GREB1L: variants seen among roughly 807,000 people sequenced by gnomAD.
GREB1L encodes the protein GREB1 like retinoic acid receptor coactivator, also known as GREB1-like protein.
In GREB1L, 17 loss-of-function variants were observed where a neutral mutation model predicts 200.8. That is an observed-to-expected ratio of 0.08 (90% CI 0.06 to 0.13). The LOEUF (loss-of-function observed/expected upper bound fraction) is 0.13, where lower values mean the gene tolerates loss of function less well. Ranked by LOEUF, GREB1L falls within the 10% of genes least tolerant of loss-of-function variation. The pLI, the probability that GREB1L is intolerant of heterozygous loss-of-function variation, is 1.00. For missense variants in GREB1L, 1,657 were observed against 2,367.7 expected (o/e 0.70, Z 6.23); for synonymous variants, 789 against 893.0 (o/e 0.88, Z 2.08).
At chr18:21,321,799 C>T (rs1336642646) in intron 1 of GREB1L, among the ~76,000 whole-genome samples, 1 of 152,206 alleles carries the variant, frequency 6.6e-6, no homozygotes, top group Non-Finnish European at 1.5e-5. Context: ...ATGTCGTTAT[C>T]TCCATAGATG....
Position 21,454,550 on chromosome 18 carries a change from G to A in GREB1L, c.2169G>A (p.Arg723=). ...TGTTGGTTCAGCAAACTCTTCAGCG[G>A]ATTCGACAATCAGGTAAGAGTGAAC... The part of the protein sequence containing the change: ...SEVLVQQTLQ[R]IRQSGVLVDL... The change falls in exon 15 of 33, where the codon CGG becomes CGA. Residue 723 remains arginine (R), a synonymous_variant. Coordinates refer to ENST00000424526, the MANE Select transcript of GREB1L (RefSeq NM_001142966.3). 2.6e-6 allele frequency: 4 copies of A among 1,551,314 alleles called. No individual in the cohort carries two copies. Among genetic ancestry groups the A allele is most frequent in the Non-Finnish European group, 3.5e-6 (4 of 1,146,664 alleles).
In GREB1L at chr18:21,477,348, G is replaced by T; in HGVS notation, c.2548G>T (p.Asp850Tyr). The change falls in exon 17 of 33, where the codon GAT (aspartate) becomes TAT (tyrosine). Residue 850 changes from aspartate to tyrosine, a missense_variant. Transcript: ENST00000424526. ...CAATGAGGTTCACTGGATACAGCTGGATACTGGGGTGAGTCTCTTGCCTGC... is the reference window on the plus strand; with the variant it reads ...CAATGAGGTTCACTGGATACAGCTGTATACTGGGGTGAGTCTCTTGCCTGC... ...SSNEVHWIQL[D>Y]TGEDVGCEEK... 6.5e-7 allele frequency: 1 copy of T among 1,545,112 alleles called. No homozygotes were observed. Among genetic ancestry groups the T allele is most frequent in the Non-Finnish European group, 8.8e-7 (1 of 1,142,204 alleles).
At chr18:21,287,097 G>A (rs1194898871) in intron 1 of GREB1L, among the ~76,000 whole-genome samples, 1 of 152,058 alleles carries the variant, frequency 6.6e-6, no homozygotes, top group Admixed American at 6.6e-5. Flanking sequence ...TTAGTGCCAT[G>A]CCTTTTAAAA....
rs1204514384 is a variant in GREB1L, at chr18:21,268,560, C to CACACATAT, written c.-120+26168_-120+26169insCACATATA. Among the ~76,000 whole-genome samples, 145 of 63,492 alleles carry CACACATAT rather than the reference C, an allele frequency of 2.3e-3. 1 individual carries two copies. Among genetic ancestry groups the CACACATAT allele is most frequent in the East Asian group, 3.7e-3 (7 of 1,892 alleles). The allele number at this position is 63,492 out of a possible 152,430, so 41.7% of individuals were successfully genotyped here. On this transcript the variant is annotated intron_variant, in intron 1 of 32. Coordinates refer to ENST00000424526, the MANE Select transcript of GREB1L (RefSeq NM_001142966.3). ...ACACACACACACACACACACACACA[C>CACACATAT]ATATATATATATATATATATATATA...
In GREB1L at chr18:21,522,682, A is replaced by G. The variant is rs1000857274; in HGVS notation, c.5633A>G (p.Gln1878Arg). The G allele has an allele frequency of 6.4e-7, 1 of 1,551,650 alleles. No homozygotes were observed. ...LKGATLCVIC[Q>R]DRSSLRQTIV... Reference sequence around the variant, plus strand: ...GGTGCTACACTGTGTGTCATCTGCCAAGACAGAAGTTCCTTGCGCCAAACA... The same window carrying G: ...GGTGCTACACTGTGTGTCATCTGCCGAGACAGAAGTTCCTTGCGCCAAACA... The change falls in exon 33 of 33, where the codon CAA becomes CGA. Residue 1878 changes from glutamine to arginine, a missense_variant. Transcript: ENST00000424526.
In GREB1L at chr18:21,522,755, C is replaced by T. The variant is rs368799167; in HGVS notation, c.5706C>T (p.Asp1902=). 9.0e-6 allele frequency: 14 copies of T among 1,551,506 alleles called. No individual in the cohort carries two copies. The highest frequency in any genetic ancestry group is 1.7e-4 in the Middle Eastern group (1 of 6,010). ...LEDEWQFRLR[D]EFQTANSSDD... is the part of the protein sequence containing the mutation. ...ATGAGTGGCAGTTCCGCCTCCGGGA[C>T]GAGTTTCAAACTGCTAACAGCAGTG... Residue 1902 remains aspartate, a synonymous_variant, in exon 33 of 33, where the codon GAC becomes GAT. Transcript: ENST00000424526.
intron 6 of GREB1L, among the ~76,000 whole-genome samples, chr18:21,402,303 T>G (rs2041348518): frequency 6.6e-6 from 1 of 152,136 alleles, no homozygotes; most frequent in Non-Finnish European, 1.5e-5. Flanking sequence ...ATTCCCTTCT[T>G]TAGCCTTGTT....
At chr18:21,297,046 C>T (rs2038540851) in intron 1 of GREB1L, among the ~76,000 whole-genome samples, 1 of 152,140 alleles carries the variant, frequency 6.6e-6, no homozygotes, top group African/African-American at 2.4e-5. Context: ...TTGCTAGAGT[C>T]TCTTTACGTA....
At chr18:21,436,145 T>C (rs576502442) in intron 7 of GREB1L, among the ~76,000 whole-genome samples, 28 of 152,138 alleles carry the variant, frequency 1.8e-4, no homozygotes, top group African/African-American at 6.0e-4. Context: ...CAGTGGGAGA[T>C]TGAGAGTTCA....
chr18:21,433,877 AGGGATTTG>A (rs1054313236), intron 7 of GREB1L, among the ~76,000 whole-genome samples: 5 of 152,126 alleles, frequency 3.3e-5, no homozygotes, highest in African/African-American at 9.7e-5. Flanking sequence ...TGGAGTAGTC[AGGGATTTG>A]GGGTCTCTAC....
At chr18:21,438,378 C>T (rs1002460256) in intron 7 of GREB1L, among the ~76,000 whole-genome samples, 7 of 152,082 alleles carry the variant, frequency 4.6e-5, no homozygotes, top group African/African-American at 1.7e-4. Flanking sequence ...GAAACTCATA[C>T]ATAAGACCAT....
At chr18:21,305,785 C>G (rs561718551) in intron 1 of GREB1L, among the ~76,000 whole-genome samples, 18 of 152,340 alleles carry the variant, frequency 1.2e-4, no homozygotes, top group African/African-American at 4.1e-4. Flanking sequence ...ACTGTCTTAT[C>G]TCCTATCACT....
chr18:21,347,065 A>G (rs1193436705), intron 1 of GREB1L, among the ~76,000 whole-genome samples: 2 of 151,950 alleles, frequency 1.3e-5, no homozygotes, highest in East Asian at 3.9e-4. Context: ...ACCTTTTAAA[A>G]CTGTCTACCA....
intron 1 of GREB1L, among the ~76,000 whole-genome samples, chr18:21,355,701 A>G (rs1377081638): frequency 4.3e-4 from 65 of 152,156 alleles, no homozygotes; most frequent in Non-Finnish European, 3.1e-4. Context: ...TCAGAAATCT[A>G]CTCAAAGGCA....
chr18:21,337,579 AG>A (rs2039204395), intron 1 of GREB1L, among the ~76,000 whole-genome samples: 1 of 152,218 alleles, frequency 6.6e-6, no homozygotes, highest in South Asian at 2.1e-4. Context: ...TAGAATGGCA[AG>A]GGGCTTAAGA....
At chr18:21,496,337 C>A in intron 20 of GREB1L, 117 bp from the exon 21 acceptor site, 1 of 1,130,490 alleles carries the variant, frequency 8.8e-7, no homozygotes, top group Non-Finnish European at 1.3e-6. Flanking sequence ...CAAGGCTCAC[C>A]TGGCACTGAA....
chr18:21,248,729 G>A (rs1331863207), intron 1 of GREB1L, among the ~76,000 whole-genome samples: 3 of 152,190 alleles, frequency 2.0e-5, no homozygotes, highest in Admixed American at 1.3e-4. Flanking sequence ...CAATATGGTA[G>A]CCTCTAGCCA....
intron 1 of GREB1L, among the ~76,000 whole-genome samples, chr18:21,328,042 C>T (rs1362671517): frequency 6.6e-6 from 1 of 152,178 alleles, no homozygotes; most frequent in Non-Finnish European, 1.5e-5. Context: ...CCTAGCTCCA[C>T]TCTCTAGCCT....
chr18:21,278,023 C>A (rs923101475), intron 1 of GREB1L, among the ~76,000 whole-genome samples: 1 of 152,140 alleles, frequency 6.6e-6, no homozygotes, highest in Admixed American at 6.5e-5. Context: ...ATGGGTATAG[C>A]CATGACAAGT....
Sources: gnomAD v4.1 joint callset for allele counts (sites outside exome capture counted in the v4.1 genomes callset) on GRCh38, gnomAD v4.1.1 for gene constraint, MANE v1.5 for transcripts, NCBI Gene and HGNC (gene_info 2026-07-23, HGNC 2026-07-21) for gene names.